PTPRM: variants seen among roughly 807,000 people sequenced by gnomAD.
PTPRM encodes the protein receptor-type tyrosine-protein phosphatase mu.
Under a neutral mutation model 186.7 loss-of-function variants are expected in PTPRM, and 47 were observed. The observed-to-expected ratio is 0.25, with a 90% CI of 0.20 to 0.32. The LOEUF is 0.32. PTPRM is among the 10% of genes least tolerant of loss of function. The probability of loss-of-function intolerance (pLI) is 1.00; values close to 1 mark genes in which losing one functional copy is unlikely to be tolerated. For missense variants in PTPRM, 1,494 were observed against 1,865.0 expected, an observed-to-expected ratio of 0.80 and a Z score of 3.66; for synonymous variants, 668 against 674.9, an observed-to-expected ratio of 0.99 and a Z score of 0.16.
intron 2 of PTPRM, among the ~76,000 whole-genome samples, chr18:7,851,884 TAACTC>T (rs1390012494): frequency 2.0e-5 from 3 of 152,220 alleles, no homozygotes; most frequent in Non-Finnish European, 4.4e-5. Flanking sequence ...AATAGCTTGT[TAACTC>T]AAGAAAAAGA....
In PTPRM at chr18:8,289,931, C is replaced by T. The variant is rs192915284; in HGVS notation, c.2755-6437C>T. Among the ~76,000 whole-genome samples the T allele has an allele frequency of 7.2e-5, 11 of 152,224 alleles. No individual in the cohort carries two copies. The East Asian group carries it at 9.6e-4, about 13-fold the overall frequency. On this transcript the variant is annotated intron_variant, in intron 19 of 32. Coordinates refer to ENST00000580170, the MANE Select transcript of PTPRM (RefSeq NM_001105244.2). ...TCACCCAGTCCTCACCTCTCTTAGC[C>T]GTGAAGCATCACATGCTCCTTTTGC...
At chr18:7,685,624 G>A (rs1318147272) in intron 1 of PTPRM, among the ~76,000 whole-genome samples, 1 of 152,098 alleles carries the variant, frequency 6.6e-6, no homozygotes, top group Non-Finnish European at 1.5e-5. Flanking sequence ...TGTATGAATG[G>A]GCAAATGTAG....
rs749407703 is a variant in PTPRM, at chr18:8,247,935, A to G, written c.2527+16A>G. ...TATTACCCAGGTAACAGTTTTTTCC[A>G]TTGTCTCCTCTCTGCTCTCTCCTCA... On this transcript the variant is annotated intron_variant, in intron 16 of 32. Coordinates refer to ENST00000580170, the MANE Select transcript of PTPRM (RefSeq NM_001105244.2). The G allele has an allele frequency of 4.5e-6, 7 of 1,548,254 alleles. No individual in the cohort carries two copies. Among genetic ancestry groups the G allele is most frequent in the African/African-American group, 4.1e-5 (3 of 73,386 alleles).
At chr18:8,033,424 A>G (rs529332166) in intron 7 of PTPRM, among the ~76,000 whole-genome samples, 1 of 152,154 alleles carries the variant, frequency 6.6e-6, no homozygotes, top group Non-Finnish European at 1.5e-5. Context: ...GTCTTTCACC[A>G]TTTCATGGTT....
chr18:8,102,917 T>C (rs532161386), intron 11 of PTPRM, among the ~76,000 whole-genome samples: 1 of 152,340 alleles, frequency 6.6e-6, no homozygotes, highest in African/African-American at 2.4e-5. Context: ...GGCTGCAAAA[T>C]GGATGTCATG....
At chr18:8,232,776 C>T (rs74994016) in intron 14 of PTPRM, among the ~76,000 whole-genome samples, 261 of 152,144 alleles carry the variant, frequency 1.7e-3, no homozygotes, top group African/African-American at 5.7e-3. Flanking sequence ...CAAAAGAGGA[C>T]GAACGTGGGA....
At chr18:7,933,401 C>T (rs1297052947) in intron 5 of PTPRM, among the ~76,000 whole-genome samples, 3 of 150,846 alleles carry the variant, frequency 2.0e-5, no homozygotes, top group African/African-American at 7.3e-5. Context: ...TTGTACCTCA[C>T]ACTGCAAAAG....
intron 14 of PTPRM, among the ~76,000 whole-genome samples, chr18:8,241,398 TTA>T (rs1306990589): frequency 1.1e-5 from 1 of 89,316 alleles, no homozygotes; most frequent in African/African-American, 6.2e-5. Flanking sequence ...TTGGTGATAA[TTA>T]TATTATAACT....
At chr18:8,044,007 A>G (rs1311648079) in intron 7 of PTPRM, among the ~76,000 whole-genome samples, 2 of 152,216 alleles carry the variant, frequency 1.3e-5, no homozygotes, top group African/African-American at 4.8e-5. Context: ...AGGGAGCCCT[A>G]TCTTCAAGTG....
intron 19 of PTPRM, among the ~76,000 whole-genome samples, chr18:8,264,701 G>A (rs1326512324): frequency 6.6e-6 from 1 of 151,456 alleles, no homozygotes; most frequent in African/African-American, 2.4e-5. Flanking sequence ...CCCAGCAGGT[G>A]GAGGTTGCAG....
rs149041317 is a variant in PTPRM, at chr18:7,870,052, A to G, written c.197-18054A>G. On this transcript the variant is annotated intron_variant, in intron 2 of 32. Transcript: ENST00000580170. ...CAGTGGCATGGTGGACTTTGTCTTC[A>G]GGAGATGAAGTCGGTTTAGAGAGCT... 3.2e-3 allele frequency among the ~76,000 whole-genome samples: 491 copies of G among 152,336 alleles called. 3 individuals carry two copies. The highest frequency in any genetic ancestry group is 0.024 in the Middle Eastern group (7 of 294).
At chr18:7,982,404 C>T (rs1350139314) in intron 7 of PTPRM, among the ~76,000 whole-genome samples, 1 of 151,800 alleles carries the variant, frequency 6.6e-6, no homozygotes, top group Admixed American at 6.6e-5. Flanking sequence ...CACATCCTCT[C>T]CCACTGGAAG....
intron 2 of PTPRM, among the ~76,000 whole-genome samples, chr18:7,793,416 C>A (rs1410391210): frequency 2.0e-5 from 3 of 152,168 alleles, no homozygotes; most frequent in African/African-American, 7.2e-5. Context: ...TAATCATTTT[C>A]TTTTCTTATG....
intron 13 of PTPRM, among the ~76,000 whole-genome samples, chr18:8,124,574 G>C (rs1350132301): frequency 6.6e-6 from 1 of 152,162 alleles, no homozygotes; most frequent in Non-Finnish European, 1.5e-5. Flanking sequence ...ACCTACATAA[G>C]TGCATACTCA....
intron 1 of PTPRM, among the ~76,000 whole-genome samples, chr18:7,574,749 C>T (rs950657868): frequency 7.2e-5 from 11 of 152,060 alleles, no homozygotes; most frequent in African/African-American, 2.2e-4. Context: ...AAAGGTTTTT[C>T]GGCCAGGCGC....
intron 1 of PTPRM, among the ~76,000 whole-genome samples, chr18:7,602,661 A>T (rs2037431966): frequency 6.6e-6 from 1 of 150,876 alleles, no homozygotes; most frequent in African/African-American, 2.4e-5. Flanking sequence ...TTTTTTTTTT[A>T]AAGCATATTA....
chr18:7,946,000 C>T lies in PTPRM; in HGVS notation c.664-3181C>T, dbSNP rs566380020. Among the ~76,000 whole-genome samples, 5 of 152,256 alleles carry T rather than the reference C, an allele frequency of 3.3e-5. No individual in the cohort carries two copies. The South Asian group carries it at 8.3e-4, about 25-fold the overall frequency. Reference sequence around the variant, plus strand: ...AGCTGACTTTTCATGTGATTAAGTACAGGAGTTAAAAATTTATTAAAGGCT... The same window carrying T: ...AGCTGACTTTTCATGTGATTAAGTATAGGAGTTAAAAATTTATTAAAGGCT... On this transcript the variant is annotated intron_variant, in intron 5 of 32. Coordinates refer to ENST00000580170, the MANE Select transcript of PTPRM (RefSeq NM_001105244.2).
At chr18:7,993,023 A>C (rs1032055240) in intron 7 of PTPRM, among the ~76,000 whole-genome samples, 18 of 151,954 alleles carry the variant, frequency 1.2e-4, no homozygotes, top group Non-Finnish European at 2.2e-4. Context: ...CAATTAAAAA[A>C]ACATTAATGA....
intron 22 of PTPRM, among the ~76,000 whole-genome samples, chr18:8,332,236 AGATT>A (rs2095415684): frequency 6.6e-6 from 1 of 152,234 alleles, no homozygotes; most frequent in Admixed American, 6.5e-5. Flanking sequence ...TTAAAAGAAA[AGATT>A]ATTAACCAGA....
Sources: allele counts gnomAD v4.1 joint callset (sites outside exome capture counted in the v4.1 genomes callset), GRCh38; gene constraint gnomAD v4.1.1; transcripts MANE v1.5; gene names NCBI Gene and HGNC (gene_info 2026-07-23, HGNC 2026-07-21).